The following DNAH7 variants were observed in gnomAD, a reference collection of about 807,000 sequenced individuals.
DNAH7 encodes the protein dynein axonemal heavy chain 7, also known as axonemal beta dynein heavy chain 7.
In DNAH7, 397 loss-of-function variants were observed where a neutral mutation model predicts 444.6. The observed-to-expected ratio is 0.89, with a 90% CI of 0.82 to 0.97. The LOEUF (loss-of-function observed/expected upper bound fraction) is 0.97. Among genes scored for constraint, DNAH7 ranks in the 50% least tolerant of loss-of-function variants. DNAH7 has a pLI of 0.00. For synonymous variants in DNAH7, 1,636 were observed against 1,624.4 expected (o/e 1.01, Z -0.17); for missense variants, 4,902 against 4,800.8 (o/e 1.02, Z -0.62).
chr2:196,068,347 C>A (rs1017235651), intron 1 of DNAH7: 3 of 353,524 alleles, frequency 8.5e-6, no homozygotes, highest in Non-Finnish European at 1.5e-5. Context: ...GGCTTCGATT[C>A]CCACCTTAGA....
chr2:195,936,656 A>T lies in DNAH7; in HGVS notation c.3215T>A (p.Phe1072Tyr). 2 of 1,606,386 alleles carry T rather than the reference A, an allele frequency of 1.2e-6. No homozygotes were observed. The highest frequency in any genetic ancestry group is 2.2e-5 in the East Asian group (1 of 44,560). Residue 1072 changes from phenylalanine (F) to tyrosine (Y), a missense_variant, in exon 20 of 65, where the codon TTT becomes TAT. Physicochemically the swap from Phe to Tyr is conservative, Grantham distance 22. Transcript: ENST00000312428. ...EKKRLFFPRF[F>Y]FLSNDELLEI... ...AAGAAGTTCATCATTGGACAAAAAA[A>T]AGAATCTGGGGAAAAAGAGGCGTTT... is the stretch of plus-strand genomic sequence containing the variant.
intron 61 of DNAH7, among the ~76,000 whole-genome samples, chr2:195,768,302 T>C (rs1407789725): frequency 1.3e-5 from 2 of 150,664 alleles, no homozygotes; most frequent in Non-Finnish European, 3.0e-5. Flanking sequence ...ACAGAGAATA[T>C]GCATATTTTT....
rs1698906987 is a variant in DNAH7, at chr2:195,845,096, T to C, written c.8851A>G (p.Met2951Val). ...GTCACAGCTTCTCCCAGGGTACCCA[T>C]AAGAGAGCAATCATCTGAGCAGGGG... ...DIPCSDDCSL[M>V]GTLGEAVTIR... is the part of the protein sequence containing the mutation. Residue 2951 changes from methionine (M) to valine (V), a missense_variant, in exon 47 of 65, where the codon ATG becomes GTG. Physicochemically the swap from Met to Val is conservative, Grantham distance 21. Transcript: ENST00000312428. 6.2e-7 allele frequency: 1 copy of C among 1,613,868 alleles called. No homozygotes were observed. Among genetic ancestry groups the C allele is most frequent in the African/African-American group, 1.3e-5 (1 of 75,048 alleles).
Position 195,857,471 on chromosome 2 carries a change from G to T in DNAH7, c.8320C>A (p.Pro2774Thr). Residue 2774 changes from proline to threonine, a missense_variant, in exon 44 of 65, where the codon CCA becomes ACA. By Grantham distance (38) the Pro-to-Thr change is conservative. Transcript: ENST00000312428. ...TTTTCTGGTACAAAATCTGGATTTG[G>T]AATATAATTTTTTCTTATGATATTC... Reference protein sequence around the residue: ...YMNIIRKNYIPNPDFVPEKIR... With the variant: ...YMNIIRKNYITNPDFVPEKIR... 6.2e-7 allele frequency: 1 copy of T among 1,613,454 alleles called. No individual in the cohort carries two copies. Among genetic ancestry groups the T allele is most frequent in the Non-Finnish European group, 8.5e-7 (1 of 1,179,818 alleles).
chr2:195,834,488 T>C, intron 47 of DNAH7, 128 bp from the exon 48 acceptor site: 2 of 1,006,542 alleles, frequency 2.0e-6, no homozygotes, highest in South Asian at 2.7e-5. Flanking sequence ...TTTTAACTTA[T>C]GAGAAACTAT....
intron 19 of DNAH7, among the ~76,000 whole-genome samples, chr2:195,955,399 C>T (rs1046172203): frequency 7.2e-5 from 11 of 152,096 alleles, no homozygotes; most frequent in South Asian, 4.1e-4. Context: ...TGTTTTGGTA[C>T]CAGTACCATG....
At chr2:195,829,164 C>T (rs1260064263) in intron 48 of DNAH7, among the ~76,000 whole-genome samples, 1 of 152,058 alleles carries the variant, frequency 6.6e-6, no homozygotes, top group Non-Finnish European at 1.5e-5. Flanking sequence ...CACTGGTTGA[C>T]TATAATAACT....
intron 60 of DNAH7, 89 bp from the exon 61 acceptor site, chr2:195,771,979 G>T (rs1694863139): frequency 2.8e-6 from 3 of 1,071,956 alleles, no homozygotes; most frequent in Non-Finnish European, 4.3e-6. Context: ...ATCTTTATAA[G>T]AAAGAACATT....
At position 195,858,788 on chromosome 2, in the gene DNAH7, T is replaced by C. The variant is rs1000466974; in HGVS notation, c.7753A>G (p.Lys2585Glu). 1.9e-6 allele frequency: 3 copies of C among 1,606,890 alleles called. No individual in the cohort carries two copies. Among genetic ancestry groups the C allele is most frequent in the Admixed American group, 1.7e-5 (1 of 58,696 alleles). ...TCCAAACCCACTTCATATCTCTTTT[T>C]CATTTTCATTACTTCACTGGAAGGA... ...EKKRSEVMKM[K>E]KRYEVGLEKL... Residue 2585 changes from lysine (K) to glutamate (E), a missense_variant, in exon 43 of 65, where the codon AAA becomes GAA. Coordinates refer to ENST00000312428, the MANE Select transcript of DNAH7 (RefSeq NM_018897.3).
intron 41 of DNAH7, among the ~76,000 whole-genome samples, chr2:195,862,741 A>G (rs1700095742): frequency 6.6e-6 from 1 of 151,968 alleles, no homozygotes. Flanking sequence ...TCCTCTTCAA[A>G]CCCTTAATTG....
Position 196,032,741 on chromosome 2 carries a change from G to A in DNAH7, c.399-4694C>T, listed in dbSNP as rs1696135695. 2.0e-5 allele frequency among the ~76,000 whole-genome samples: 3 copies of A among 152,236 alleles called. No individual in the cohort carries two copies. In the South Asian group the frequency reaches 6.2e-4, roughly 32 times the overall value. The stretch of plus-strand genomic sequence containing the variant: ...ACAAATTCTTTCAGAAAATAGAAGA[G>A]GTAAAAACACTTCCCAACTCTTTTT... On this transcript the variant is annotated intron_variant, in intron 5 of 64. Coordinates refer to ENST00000312428, the MANE Select transcript of DNAH7 (RefSeq NM_018897.3).
chr2:195,749,277 A>G (rs2105897357), intron 63 of DNAH7, among the ~76,000 whole-genome samples: 1 of 152,214 alleles, frequency 6.6e-6, no homozygotes, highest in Admixed American at 6.5e-5. Flanking sequence ...CAAAACCACA[A>G]TGAGATACCA....
intron 28 of DNAH7, among the ~76,000 whole-genome samples, chr2:195,898,653 G>A (rs1269738289): frequency 1.3e-5 from 2 of 152,208 alleles, no homozygotes; most frequent in Non-Finnish European, 2.9e-5. Context: ...AAGCCGAAGT[G>A]GAAGGGCAGA....
chr2:196,057,910 T>C (rs1697907049), intron 2 of DNAH7, 144 bp downstream of exon 2: 1 of 615,014 alleles, frequency 1.6e-6, no homozygotes, highest in Admixed American at 3.6e-5. Context: ...CTCACAGAAT[T>C]CCTCCATCAG....
chr2:195,851,994 C>A (rs1199992357), intron 46 of DNAH7, among the ~76,000 whole-genome samples: 1 of 152,128 alleles, frequency 6.6e-6, no homozygotes, highest in Non-Finnish European at 1.5e-5. Flanking sequence ...CACGGTGGCT[C>A]ACGCCTGTAA....
chr2:195,958,796 AG>A (rs1283093674), intron 18 of DNAH7, among the ~76,000 whole-genome samples: 1 of 152,212 alleles, frequency 6.6e-6, no homozygotes, highest in African/African-American at 2.4e-5. Flanking sequence ...CTATGAGGTA[AG>A]GTCCATTGTA....
intron 25 of DNAH7, 29 bp from the exon 26 acceptor site, chr2:195,907,038 G>T (rs752610970): frequency 8.4e-6 from 13 of 1,547,864 alleles, no homozygotes; most frequent in Middle Eastern, 1.7e-4. Context: ...GAAAATTTTT[G>T]ACTTTATCTG....
At chr2:195,948,503 T>C (rs1331278084) in intron 19 of DNAH7, among the ~76,000 whole-genome samples, 1 of 152,230 alleles carries the variant, frequency 6.6e-6, no homozygotes, top group Non-Finnish European at 1.5e-5. Flanking sequence ...TTCAGTTTTC[T>C]GCCTATGGCT....
At chr2:195,876,182 GT>G (rs1404909321) in intron 37 of DNAH7, among the ~76,000 whole-genome samples, 2 of 152,130 alleles carry the variant, frequency 1.3e-5, no homozygotes, top group African/African-American at 4.8e-5. Context: ...TGTGATTAGG[GT>G]GAGAAGGGTG....
Sources: gnomAD v4.1 joint callset for allele counts (sites outside exome capture counted in the v4.1 genomes callset) on GRCh38, gnomAD v4.1.1 for gene constraint, MANE v1.5 for transcripts, NCBI Gene and HGNC (gene_info 2026-07-23, HGNC 2026-07-21) for gene names.